The following RBFOX1 variants were observed in gnomAD, a reference collection of about 807,000 sequenced individuals.
The protein encoded by RBFOX1 is RNA binding protein fox-1 homolog 1.
In RBFOX1, 8 loss-of-function variants were observed where a neutral mutation model predicts 57.7. That is an observed-to-expected ratio of 0.14 (90% confidence interval 0.08 to 0.25). RBFOX1 has a LOEUF of 0.25. Among genes scored for constraint, RBFOX1 ranks in the 10% least tolerant of loss-of-function variants. RBFOX1 has a pLI of 1.00. For synonymous variants in RBFOX1, 326 were observed against 222.4 expected, an observed-to-expected ratio of 1.47 and a Z score of -4.15; for missense variants, 611 against 548.5, an observed-to-expected ratio of 1.11 and a Z score of -1.14.
chr16:7,506,139 C>T (rs1027830411), intron 4 of RBFOX1, among the ~76,000 whole-genome samples: 16 of 131,734 alleles, frequency 1.2e-4, no homozygotes, highest in Admixed American at 4.5e-4. Context: ...GAGCAGAGAT[C>T]GCCCCACTGC....
At chr16:6,406,819 A>G (rs1446685165) in intron 2 of RBFOX1, among the ~76,000 whole-genome samples, 1 of 152,178 alleles carries the variant, frequency 6.6e-6, no homozygotes, top group Non-Finnish European at 1.5e-5. Flanking sequence ...GAAAACTTAA[A>G]TAGACCAACT....
At chr16:6,485,721 T>A (rs980659922) in intron 2 of RBFOX1, among the ~76,000 whole-genome samples, 4 of 152,212 alleles carry the variant, frequency 2.6e-5, no homozygotes, top group Non-Finnish European at 5.9e-5. Context: ...ATCTTTTCTG[T>A]TACCCCAAAT....
intron 3 of RBFOX1, among the ~76,000 whole-genome samples, chr16:6,832,256 T>A (rs538038333): frequency 1.3e-5 from 2 of 152,286 alleles, no homozygotes; most frequent in East Asian, 3.9e-4. Context: ...ACAGTGGGAT[T>A]TATCTTGAAA....
intron 1 of RBFOX1, among the ~76,000 whole-genome samples, chr16:6,282,978 T>G (rs571362613): frequency 1.3e-5 from 2 of 152,322 alleles, no homozygotes; most frequent in South Asian, 4.1e-4. Context: ...CTGTGTACCA[T>G]TGTCACCCTG....
chr16:7,336,436 C>G (rs1474857335), intron 4 of RBFOX1, among the ~76,000 whole-genome samples: 9 of 152,320 alleles, frequency 5.9e-5, no homozygotes, highest in African/African-American at 1.7e-4. Flanking sequence ...GATGAGTCAG[C>G]AGATTATTTT....
intron 4 of RBFOX1, among the ~76,000 whole-genome samples, chr16:7,354,295 A>G (rs1332276070): frequency 1.3e-5 from 2 of 152,190 alleles, no homozygotes; most frequent in Non-Finnish European, 2.9e-5. Context: ...TAAAGTGTGA[A>G]CTTTGTGGAA....
chr16:6,276,474 G>A (rs933040365), intron 1 of RBFOX1, among the ~76,000 whole-genome samples: 5 of 152,114 alleles, frequency 3.3e-5, no homozygotes, highest in African/African-American at 1.2e-4. Flanking sequence ...AAGTAGCTGG[G>A]ATTACAGGAG....
chr16:6,893,753 C>G (rs1227435107), intron 3 of RBFOX1, among the ~76,000 whole-genome samples: 2 of 152,122 alleles, frequency 1.3e-5, no homozygotes, highest in Non-Finnish European at 2.9e-5. Context: ...ATCATGAAGA[C>G]CAAAACACAT....
intron 4 of RBFOX1, among the ~76,000 whole-genome samples, chr16:7,299,598 A>T (rs2095982096): frequency 6.6e-6 from 1 of 152,216 alleles, no homozygotes; most frequent in Admixed American, 6.5e-5. Flanking sequence ...AGCACTGCCA[A>T]AATCCTGGAC....
intron 3 of RBFOX1, among the ~76,000 whole-genome samples, chr16:7,042,170 T>C (rs2046382274): frequency 6.6e-6 from 1 of 152,212 alleles, no homozygotes; most frequent in Non-Finnish European, 1.5e-5. Context: ...TAGACAACAC[T>C]AGCTAGTCGG....
At chr16:6,554,631 GC>G (rs1452605047) in intron 2 of RBFOX1, among the ~76,000 whole-genome samples, 2 of 152,090 alleles carry the variant, frequency 1.3e-5, no homozygotes, top group African/African-American at 4.8e-5. Context: ...GGCCGAATGG[GC>G]TTGCTTGTAC....
chr16:6,682,546 C>A (rs892710894), intron 3 of RBFOX1, among the ~76,000 whole-genome samples: 1 of 152,004 alleles, frequency 6.6e-6, no homozygotes, highest in Non-Finnish European at 1.5e-5. Context: ...CAAACTGGAC[C>A]GGTGCATGCT....
Position 7,551,315 on chromosome 16 carries a change from C to T in RBFOX1, c.271-28462C>T, listed in dbSNP as rs576607997. ...CCATACAAGCAACAGTGATTTCAGA[C>T]GTTAGACAGCATGAGGCATCCACAG... On this transcript the variant is annotated intron_variant, in intron 5 of 15. Coordinates refer to ENST00000550418, the MANE Select transcript of RBFOX1 (RefSeq NM_018723.4). Among the ~76,000 whole-genome samples the T allele has an allele frequency of 1.8e-4, 28 of 152,144 alleles. No homozygotes were observed. In the South Asian group the frequency reaches 4.8e-3, roughly 26 times the overall value.
chr16:5,956,046 G>C (rs2059632066), intron 4 of RBFOX1, among the ~76,000 whole-genome samples: 1 of 152,106 alleles, frequency 6.6e-6, no homozygotes, highest in Non-Finnish European at 1.5e-5. Context: ...AGGATCACTT[G>C]AGGCCAAGAT....
intron 2 of RBFOX1, among the ~76,000 whole-genome samples, chr16:6,496,377 C>T (rs1049227613): frequency 1.3e-5 from 2 of 152,188 alleles, no homozygotes; most frequent in African/African-American, 4.8e-5. Flanking sequence ...TGGGAACCTG[C>T]TTTGCGGCAG....
intron 1 of RBFOX1, among the ~76,000 whole-genome samples, chr16:5,457,272 C>A (rs1210661597): frequency 6.6e-6 from 1 of 152,146 alleles, no homozygotes; most frequent in African/African-American, 2.4e-5. Flanking sequence ...GTAACTGGGA[C>A]TATAGGCATG....
rs911782020 is a variant in RBFOX1, at chr16:6,780,600, T to C, written c.-16+125950T>C. ...TATATATATTTATATATATATTTCT[T>C]TTTTGTTTTTTGTTTTTTAGTTGTT... On this transcript the variant is annotated intron_variant, in intron 3 of 15. Transcript: ENST00000550418. 2.1e-5 allele frequency among the ~76,000 whole-genome samples: 3 copies of C among 142,002 alleles called. No individual in the cohort carries two copies. In the Admixed American group the frequency reaches 2.3e-4, roughly 11 times the overall value. 93.2% of individuals were successfully genotyped at this position (142,002 alleles called of 152,430 possible). A position where few individuals can be genotyped will look rare whatever the true frequency, so the allele number is the denominator to read the frequency against.
Position 5,851,099 on chromosome 16 carries a change from G to A in RBFOX1, c.319-16204G>A, listed in dbSNP as rs187010020. ...CCAGGCCTGCTTTATTTCTCCCTTT[G>A]GTACACTGTGCTGTGGACTTACCCT... On this transcript the variant is annotated intron_variant, in intron 3 of 19. Transcript: ENST00000641259. Among the ~76,000 whole-genome samples the A allele has an allele frequency of 8.5e-5, 13 of 152,242 alleles. No individual in the cohort carries two copies. The East Asian group carries it at 1.9e-3, about 23-fold the overall frequency.
At position 6,162,631 on chromosome 16, in the gene RBFOX1, A is replaced by G. The variant is rs1163719076; in HGVS notation, c.-127+142639A>G. Among the ~76,000 whole-genome samples the G allele has an allele frequency of 5.3e-5, 8 of 152,212 alleles. No homozygotes were observed. The East Asian group carries it at 1.5e-3, about 29-fold the overall frequency. ...AGTGTTTCCAAGGAAAGAACAACTC[A>G]AGGGAGACATTTAACCCCCAAAGAA... On this transcript the variant is annotated intron_variant, in intron 1 of 15. Transcript: ENST00000550418.
Sources: allele counts gnomAD v4.1 joint callset (sites outside exome capture counted in the v4.1 genomes callset), GRCh38; gene constraint gnomAD v4.1.1; transcripts MANE v1.5; gene names NCBI Gene and HGNC (gene_info 2026-07-23, HGNC 2026-07-21).